Variants in DNM1 observed in about 807,000 individuals in gnomAD.
DNM1 encodes dynamin 1, also known as dynamin-1.
A neutral mutation model predicts 104.6 loss-of-function variants in DNM1; 29 were observed. The ratio of observed to expected loss-of-function variants is 0.28; its 90% CI spans 0.21 to 0.38. DNM1 has a LOEUF of 0.38. DNM1 is among the 10% of genes least tolerant of loss of function. The probability of loss-of-function intolerance (pLI) is 1.00; values close to 1 mark genes in which losing one functional copy is unlikely to be tolerated. For synonymous variants in DNM1, 445 were observed against 475.8 expected (o/e 0.94, Z 0.84); for missense variants, 640 against 1,189.4 (o/e 0.54, Z 6.79).
At position 128,247,627 on chromosome 9, in the gene DNM1, C is replaced by CCAGAG; in HGVS notation, c.1893+141_1893+142insCAGAG. On this transcript the variant is annotated intron_variant, in intron 17 of 21. Coordinates refer to ENST00000372923, the MANE Select transcript of DNM1 (RefSeq NM_004408.4). The surrounding 1 kb of genome is among the most constrained non-coding windows in gnomAD (Gnocchi z 5.1). The stretch of plus-strand genomic sequence containing the variant: ...ATAGGAATCCTCCCCCCTACCCACT[C>CCAGAG]TGGGGGTGGGAACAGAGATAAGTCT... 1 of 754,198 alleles carries CCAGAG rather than the reference C, an allele frequency of 1.3e-6. No individual in the cohort carries two copies. Among genetic ancestry groups the CCAGAG allele is most frequent in the Non-Finnish European group, 2.2e-6 (1 of 458,962 alleles). 46.7% of individuals were successfully genotyped at this position (754,198 alleles called of 1,614,324 possible).
chr9:128,227,991 G>A (rs1588389378), intron 10 of DNM1, among the ~76,000 whole-genome samples: 1 of 152,056 alleles, frequency 6.6e-6, no homozygotes, highest in Admixed American at 6.6e-5. Flanking sequence ...GGGACTTCAA[G>A]CACTAACCAC....
At position 128,222,372 on chromosome 9, in the gene DNM1, C is replaced by G; in HGVS notation, c.992+33C>G. On this transcript the variant is annotated intron_variant, in intron 7 of 21. Transcript: ENST00000372923. The surrounding 1 kb of genome is among the most constrained non-coding windows in gnomAD (Gnocchi z 7.8). ...TCCCCCAGCTCCTATCACTGAATCC[C>G]CGCCCCCAGCCTCTCAGCGTGGGGC... The G allele has an allele frequency of 6.2e-7, 1 of 1,608,230 alleles. No homozygotes were observed. The highest frequency in any genetic ancestry group is 8.5e-7 in the Non-Finnish European group (1 of 1,175,936).
At chr9:128,249,358 AAAG>A (rs1829367504) in intron 19 of DNM1, among the ~76,000 whole-genome samples, 2 of 151,972 alleles carry the variant, frequency 1.3e-5, no homozygotes, top group African/African-American at 2.4e-5. Context: ...CAAAAATTTT[AAAG>A]AATAGCGGGG....
Position 128,218,202 on chromosome 9 carries a change from A to T in DNM1, c.162-29A>T. On this transcript the variant is annotated intron_variant, in intron 1 of 21. Transcript: ENST00000372923. This position sits in a 1 kb window ranked among gnomAD's most constrained non-coding sequence, Gnocchi z 4.8. ...ACAGAGGGCGCCCCCTCATATCTTG[A>T]CCCTCCTTTGACCTCCAACTCATTG... 6.2e-7 allele frequency: 1 copy of T among 1,611,810 alleles called. No homozygotes were observed. The highest frequency in any genetic ancestry group is 1.3e-5 in the African/African-American group (1 of 74,800).
intron 11 of DNM1, among the ~76,000 whole-genome samples, chr9:128,238,208 CTGTTTGTTTGTT>C (rs59218725): frequency 0.23 from 35,067 of 151,354 alleles, 4,252 homozygotes; most frequent in East Asian, 0.36. Context: ...TAAAAAGCCT[CTGTTTGTTTGTT>C]TGTTTGTTTG....
chr9:128,227,023 T>C (rs1026690434), intron 10 of DNM1, among the ~76,000 whole-genome samples: 23 of 147,264 alleles, frequency 1.6e-4, no homozygotes. Flanking sequence ...TTTTTTTTTT[T>C]TTTTTTTTTG....
At position 128,239,463 on chromosome 9, in the gene DNM1, A is replaced by T; in HGVS notation, c.1441A>T (p.Ile481Phe). Reference sequence around the variant, plus strand: ...CTTGAAGGTCATGCTTCTCATCGATATCGAGCTGGCTTACATGAACACCAA... The same window carrying T: ...CTTGAAGGTCATGCTTCTCATCGATTTCGAGCTGGCTTACATGAACACCAA... ...TKEQVMLLID[I>F]ELAYMNTNHE... Residue 481 changes from isoleucine to phenylalanine, a missense_variant, in exon 12 of 22, where the codon ATC becomes TTC. Transcript: ENST00000372923. 6.2e-7 allele frequency: 1 copy of T among 1,613,958 alleles called. No individual in the cohort carries two copies. The highest frequency in any genetic ancestry group is 1.3e-5 in the African/African-American group (1 of 75,020).
At chr9:128,238,146 CA>C (rs1481256642) in intron 11 of DNM1, among the ~76,000 whole-genome samples, 1 of 152,014 alleles carries the variant, frequency 6.6e-6, no homozygotes, top group Non-Finnish European at 1.5e-5. Context: ...ACACTTCCAT[CA>C]ACAATATATG....
At chr9:128,227,290 A>C (rs1433463050) in intron 10 of DNM1, among the ~76,000 whole-genome samples, 1 of 151,734 alleles carries the variant, frequency 6.6e-6, no homozygotes, top group Non-Finnish European at 1.5e-5. Context: ...CTAGGATTAC[A>C]AACATGAGCC....
At chr9:128,207,623 C>T (rs1246894068) in intron 1 of DNM1, among the ~76,000 whole-genome samples, 1 of 152,118 alleles carries the variant, frequency 6.6e-6, no homozygotes, top group Non-Finnish European at 1.5e-5. Flanking sequence ...TGAAGCTCAA[C>T]TCTGCCACTT....
At chr9:128,225,919 C>T (rs1835312912) in intron 10 of DNM1, 6 of 830,762 alleles carry the variant, frequency 7.2e-6, no homozygotes, top group African/African-American at 3.4e-5. Flanking sequence ...TCTCTTCCCC[C>T]GTGCCCGTGC....
At chr9:128,237,932 AC>A (rs1836113638) in intron 11 of DNM1, among the ~76,000 whole-genome samples, 1 of 151,692 alleles carries the variant, frequency 6.6e-6, no homozygotes, top group South Asian at 2.1e-4. Flanking sequence ...ACACCACTAC[AC>A]CTGGCTAATT....
intron 1 of DNM1, among the ~76,000 whole-genome samples, chr9:128,205,108 G>A (rs1211440673): frequency 1.3e-5 from 2 of 152,128 alleles, no homozygotes; most frequent in African/African-American, 4.8e-5. Context: ...TCTCTCCAAT[G>A]GCTCCTGCAG....
chr9:128,250,755 C>T lies in DNM1; in HGVS notation c.2349C>T (p.Arg783=). The change falls in exon 21 of 22, where the codon CGC becomes CGT. Residue 783 remains arginine, a synonymous_variant. Transcript: ENST00000372923. ...CCACGTCCAGCCCCACGCCGCAGCGCCGAGCCCCCGCCGTGCCCCCAGCCC... is the reference window on the plus strand; with the variant it reads ...CCACGTCCAGCCCCACGCCGCAGCGTCGAGCCCCCGCCGTGCCCCCAGCCC... ...RSPTSSPTPQ[R]RAPAVPPARP... 1 of 1,429,510 alleles carries T rather than the reference C, an allele frequency of 7.0e-7. No homozygotes were observed. Among genetic ancestry groups the T allele is most frequent in the Non-Finnish European group, 9.1e-7 (1 of 1,096,046 alleles). The allele number at this position is 1,429,510 out of a possible 1,614,324, so 88.6% of individuals were successfully genotyped here.
In DNM1 at chr9:128,220,742, C is replaced by CGTGTGTGTGT. The variant is rs140950284; in HGVS notation, c.849+418_849+427dup. Reference sequence around the variant, plus strand: ...CAGAACTGAAGTGCGCGCGCGCGCGCGTGTGTGTGTGTGTGTGTGTGTGTG... The same window carrying CGTGTGTGTGT: ...CAGAACTGAAGTGCGCGCGCGCGCGCGTGTGTGTGTGTGTGTGTGTGTGTGTGTGTGTGTG... On this transcript the variant is annotated intron_variant, in intron 6 of 21. Transcript: ENST00000372923. The surrounding 1 kb of genome is among the most constrained non-coding windows in gnomAD (Gnocchi z 5.2). 0.03 allele frequency among the ~76,000 whole-genome samples: 4,090 copies of CGTGTGTGTGT among 136,358 alleles called. 155 individuals are homozygous for CGTGTGTGTGT. The highest frequency in any genetic ancestry group is 0.19 in the East Asian group (730 of 3,834). 89.5% of individuals were successfully genotyped at this position (136,358 alleles called of 152,430 possible).
intron 16 of DNM1, 128 bp downstream of exon 16, chr9:128,246,631 G>T: frequency 3.1e-6 from 2 of 654,286 alleles, no homozygotes; most frequent in Non-Finnish European, 5.5e-6. Context: ...TCCACTGACA[G>T]ATGCTTATTG....
chr9:128,224,069 C>A lies in DNM1; in HGVS notation c.1197-182C>A, dbSNP rs150630047. The A allele has an allele frequency of 1.6e-3, 1,126 of 714,998 alleles. 9 individuals are homozygous for A. In the African/African-American group the frequency reaches 0.018, roughly 11 times the overall value. The allele number at this position is 714,998 out of a possible 1,614,324, so 44.3% of individuals were successfully genotyped here. ...GTCTCAAAAAAAATAACAACAACAA[C>A]AAAAAACCCTTCATTAGAACCCCTC... On this transcript the variant is annotated intron_variant, in intron 9 of 21. Coordinates refer to ENST00000372923, the MANE Select transcript of DNM1 (RefSeq NM_004408.4). This position sits in a 1 kb window ranked among gnomAD's most constrained non-coding sequence, Gnocchi z 4.3.
chr9:128,222,593 C>A lies in DNM1; in HGVS notation c.1125C>A (p.Val375=), dbSNP rs760118978. Residue 375 remains valine (V), a synonymous_variant, in exon 8 of 22, where the codon GTC becomes GTA. Coordinates refer to ENST00000372923, the MANE Select transcript of DNM1 (RefSeq NM_004408.4). This position sits in a 1 kb window ranked among gnomAD's most constrained non-coding sequence, Gnocchi z 7.8. ...ACGAGCGCTTCCCTTTCGAGCTGGT[C>A]AAGGTAGGTCAGGCAGCCCTGGGGA... ...IFHERFPFEL[V]KMEFDEKELR... 3.1e-6 allele frequency: 5 copies of A among 1,614,102 alleles called. No homozygotes were observed. Among genetic ancestry groups the A allele is most frequent in the Admixed American group, 1.7e-5 (1 of 60,014 alleles).
Position 128,254,602 on chromosome 9 carries a change from C to G in DNM1, c.2535-52C>G. 3.1e-6 allele frequency: 5 copies of G among 1,592,080 alleles called. No homozygotes were observed. Among genetic ancestry groups the G allele is most frequent in the South Asian group, 1.1e-5 (1 of 90,942 alleles). ...GTGTGCTGCGCTTGCCTTACCAGCT[C>G]TCTCCTCGCTTTTCTCTCCCGTTTT... is the stretch of plus-strand genomic sequence containing the variant. On this transcript the variant is annotated intron_variant, in intron 21 of 21. Coordinates refer to ENST00000372923, the MANE Select transcript of DNM1 (RefSeq NM_004408.4). This position sits in a 1 kb window ranked among gnomAD's most constrained non-coding sequence, Gnocchi z 6.1.
Sources: gnomAD v4.1 joint callset for allele counts (sites outside exome capture counted in the v4.1 genomes callset) on GRCh38, gnomAD v4.1.1 for gene constraint, Gnocchi (gnomAD v3.1) non-coding constraint, MANE v1.5 for transcripts, NCBI Gene and HGNC (gene_info 2026-07-23, HGNC 2026-07-21) for gene names.